The following SNX29 variants were observed in gnomAD, a reference collection of about 807,000 sequenced individuals.
SNX29 encodes the protein sorting nexin-29.
A neutral mutation model predicts 102.1 loss-of-function variants in SNX29; 78 were observed. The observed-to-expected ratio is 0.76, with a 90% CI of 0.64 to 0.92. The LOEUF is 0.92. Among genes scored for constraint, SNX29 ranks in the 40% least tolerant of loss-of-function variants. The pLI, the probability that SNX29 is intolerant of heterozygous loss-of-function variation, is 0.00. For synonymous variants in SNX29, 580 were observed against 414.5 expected (o/e 1.40, Z -4.85); for missense variants, 1,280 against 1,061.7 (o/e 1.21, Z -2.86).
At chr16:12,216,448 A>G (rs1052219674) in intron 14 of SNX29, among the ~76,000 whole-genome samples, 1 of 152,218 alleles carries the variant, frequency 6.6e-6, no homozygotes, top group Non-Finnish European at 1.5e-5. Context: ...GTGAGTGTAC[A>G]TAACATCAAG....
At chr16:12,384,196 C>G (rs1027036590) in intron 16 of SNX29, among the ~76,000 whole-genome samples, 6 of 151,880 alleles carry the variant, frequency 4.0e-5, no homozygotes, top group African/African-American at 1.5e-4. Context: ...GTGTGGATCT[C>G]TCTTCAATAT....
intron 20 of SNX29, among the ~76,000 whole-genome samples, chr16:12,545,075 A>C (rs1284168598): frequency 6.6e-6 from 1 of 152,168 alleles, no homozygotes; most frequent in Non-Finnish European, 1.5e-5. Context: ...CACGAAATGC[A>C]CTGTGCCAGC....
At chr16:12,039,878 C>A (rs1263450704) in intron 4 of SNX29, among the ~76,000 whole-genome samples, 3 of 152,110 alleles carry the variant, frequency 2.0e-5, no homozygotes, top group Non-Finnish European at 4.4e-5. Context: ...TTTCACATGG[C>A]GATGGCCTTG....
intron 8 of SNX29, among the ~76,000 whole-genome samples, chr16:12,058,640 C>A (rs965337520): frequency 6.0e-5 from 9 of 151,060 alleles, no homozygotes; most frequent in African/African-American, 2.2e-4. Flanking sequence ...ATTACAAGCA[C>A]CCACCACCAC....
At chr16:12,516,742 G>T (rs187497657) in intron 19 of SNX29, among the ~76,000 whole-genome samples, 14 of 152,288 alleles carry the variant, frequency 9.2e-5, no homozygotes, top group African/African-American at 3.1e-4. Flanking sequence ...AATCACCTCT[G>T]TCTGTCACGT....
intron 16 of SNX29, among the ~76,000 whole-genome samples, chr16:12,369,258 C>T (rs1180865997): frequency 6.6e-6 from 1 of 151,986 alleles, no homozygotes; most frequent in Non-Finnish European, 1.5e-5. Flanking sequence ...GCCTTAGCCT[C>T]CCGAGTAGCT....
intron 10 of SNX29, among the ~76,000 whole-genome samples, chr16:12,070,323 C>T (rs2051237190): frequency 8.7e-6 from 1 of 114,806 alleles, no homozygotes; most frequent in South Asian, 3.8e-4. Flanking sequence ...GCTATCCCTC[C>T]CCCCTCCCCC....
chr16:12,031,759 C>T lies in SNX29; in HGVS notation c.247+4315C>T, dbSNP rs139454415. Among the ~76,000 whole-genome samples, 499 of 152,006 alleles carry T rather than the reference C, an allele frequency of 3.3e-3. 22 individuals carry two copies. The East Asian group carries it at 0.08, about 24-fold the overall frequency. On this transcript the variant is annotated intron_variant, in intron 4 of 20. Transcript: ENST00000566228. Reference sequence around the variant, plus strand: ...GGCGGAGCTTGCAGTGAGCCGAGATCGCGCCACTGCACTCCAGCCTGGGCA... The same window carrying T: ...GGCGGAGCTTGCAGTGAGCCGAGATTGCGCCACTGCACTCCAGCCTGGGCA...
chr16:12,164,213 G>A (rs890184044), intron 13 of SNX29, among the ~76,000 whole-genome samples: 1 of 152,142 alleles, frequency 6.6e-6, no homozygotes, highest in African/African-American at 2.4e-5. Flanking sequence ...TGAGTGTGGG[G>A]TATGGAAGAA....
At position 12,571,846 on chromosome 16, in the gene SNX29, A is replaced by G. The variant is rs953756010; in HGVS notation, c.*3217A>G. 4 of 1,056,922 alleles carry G rather than the reference A, an allele frequency of 3.8e-6. No individual in the cohort carries two copies. The highest frequency in any genetic ancestry group is 4.6e-5 in the South Asian group (1 of 21,896). The allele number at this position is 1,056,922 out of a possible 1,614,324, so 65.5% of individuals were successfully genotyped here. ...GATTCCCACTTAGCAGTATGCTCCA[A>G]TCACGTTGCTGGCAAGGCATTTTAG... On this transcript the variant is annotated 3_prime_UTR_variant, in exon 21 of 21. Coordinates refer to ENST00000566228, the MANE Select transcript of SNX29 (RefSeq NM_032167.5).
chr16:12,086,353 C>T (rs529825686), intron 11 of SNX29, among the ~76,000 whole-genome samples: 41 of 152,242 alleles, frequency 2.7e-4, no homozygotes, highest in Non-Finnish European at 5.4e-4. Flanking sequence ...TCATTGTCAC[C>T]AGCCAGGGCA....
Position 12,014,163 on chromosome 16 carries a change from A to T in SNX29, c.122+11120A>T, listed in dbSNP as rs531340387. The stretch of plus-strand genomic sequence containing the variant: ...TTGTTCTCTCAGGCTGTGGACTTTG[A>T]CCAGACTTGGAGATCCCATTGACTA... On this transcript the variant is annotated intron_variant, in intron 3 of 20. Coordinates refer to ENST00000566228, the MANE Select transcript of SNX29 (RefSeq NM_032167.5). Among the ~76,000 whole-genome samples, 29 of 152,104 alleles carry T rather than the reference A, an allele frequency of 1.9e-4. 1 individual carries two copies. The highest frequency in any genetic ancestry group is 6.8e-4 in the African/African-American group (28 of 41,440).
At chr16:12,056,953 C>G (rs2050545844) in intron 8 of SNX29, among the ~76,000 whole-genome samples, 1 of 128,612 alleles carries the variant, frequency 7.8e-6, no homozygotes, top group South Asian at 2.3e-4. Context: ...TCCTGAGTAG[C>G]TAGGACTATA....
rs563389726 is a variant in SNX29 at position 12,354,941 on chromosome 16, A to G, written c.1783-1222A>G. ...GTGTCATTTTCACTTACTATTTCAT[A>G]TTTCACACTGGTTTGAAAGCGTCTG... On this transcript the variant is annotated intron_variant, in intron 15 of 20. Coordinates refer to ENST00000566228, the MANE Select transcript of SNX29 (RefSeq NM_032167.5). Among the ~76,000 whole-genome samples the G allele has an allele frequency of 4.7e-4, 71 of 152,246 alleles. 1 individual carries two copies. In the South Asian group the frequency reaches 0.014, roughly 31 times the overall value.
At chr16:12,339,714 C>T (rs1323325226) in intron 15 of SNX29, among the ~76,000 whole-genome samples, 1 of 152,190 alleles carries the variant, frequency 6.6e-6, no homozygotes, top group Non-Finnish European at 1.5e-5. Context: ...AAGCTTATGT[C>T]CTATGAGCTT....
At chr16:12,194,642 T>TTA (rs1442122253) in intron 13 of SNX29, among the ~76,000 whole-genome samples, 1 of 127,706 alleles carries the variant, frequency 7.8e-6, no homozygotes, top group Non-Finnish European at 1.7e-5. Flanking sequence ...TTTTTTTTTT[T>TTA]AAGAAGGAAT....
chr16:12,155,415 G>C (rs4780414), intron 13 of SNX29, among the ~76,000 whole-genome samples: 2 of 152,056 alleles, frequency 1.3e-5, no homozygotes, highest in African/African-American at 2.4e-5. Context: ...TTGAGAGCAC[G>C]GGGATGAGGT....
At chr16:12,152,296 G>A (rs2055335573) in intron 13 of SNX29, among the ~76,000 whole-genome samples, 1 of 152,132 alleles carries the variant, frequency 6.6e-6, no homozygotes, top group Non-Finnish European at 1.5e-5. Flanking sequence ...ATACTTTTCT[G>A]TTAAGAGGTG....
chr16:12,300,707 G>A (rs2080141959), intron 15 of SNX29, among the ~76,000 whole-genome samples: 1 of 152,174 alleles, frequency 6.6e-6, no homozygotes, highest in African/African-American at 2.4e-5. Flanking sequence ...TCCAGCGGCC[G>A]TCGTGACATC....
Sources: allele counts gnomAD v4.1 joint callset (sites outside exome capture counted in the v4.1 genomes callset), GRCh38; gene constraint gnomAD v4.1.1; transcripts MANE v1.5; gene names NCBI Gene and HGNC (gene_info 2026-07-23, HGNC 2026-07-21).